The following COBLL1 variants were observed in gnomAD, a reference collection of about 807,000 sequenced individuals.
COBLL1 encodes cordon-bleu WH2 repeat protein like 1, also known as cordon-bleu protein-like 1.
A neutral mutation model predicts 94.8 loss-of-function variants in COBLL1; 50 were observed. The observed-to-expected ratio is 0.53, with a 90% CI of 0.42 to 0.67. The LOEUF (loss-of-function observed/expected upper bound fraction) is 0.67. Ranked by LOEUF, COBLL1 falls within the 30% of genes least tolerant of loss-of-function variation. COBLL1 has a pLI of 0.00. For missense variants in COBLL1, 1,362 were observed against 1,348.7 expected (o/e 1.01, Z -0.15); for synonymous variants, 448 against 473.8 (o/e 0.95, Z 0.71).
intron 7 of COBLL1, among the ~76,000 whole-genome samples, chr2:164,720,721 G>A (rs1685401737): frequency 6.6e-6 from 1 of 152,122 alleles, no homozygotes; most frequent in Non-Finnish European, 1.5e-5. Context: ...GTCCAGGCAA[G>A]CCATCGTGTT....
intron 2 of COBLL1, among the ~76,000 whole-genome samples, chr2:164,754,167 G>T (rs1000005032): frequency 3.9e-5 from 6 of 152,086 alleles, no homozygotes; most frequent in Non-Finnish European, 8.8e-5. Context: ...TTAGTAAAAG[G>T]TATTAAATAT....
At chr2:164,721,125 C>A (rs188512870) in intron 7 of COBLL1, among the ~76,000 whole-genome samples, 1 of 152,196 alleles carries the variant, frequency 6.6e-6, no homozygotes, top group Non-Finnish European at 1.5e-5. Flanking sequence ...GTAAAGGAAG[C>A]ACAGAAATGT....
At chr2:164,801,302 G>A (rs997911558) in intron 2 of COBLL1, among the ~76,000 whole-genome samples, 1 of 150,958 alleles carries the variant, frequency 6.6e-6, no homozygotes, top group Non-Finnish European at 1.5e-5. Context: ...AGCCGGGCGT[G>A]GTAGCGGGCG....
chr2:164,739,926 A>G (rs1459067044), intron 3 of COBLL1, among the ~76,000 whole-genome samples: 1 of 152,166 alleles, frequency 6.6e-6, no homozygotes, highest in Non-Finnish European at 1.5e-5. Flanking sequence ...CCCTAATCAC[A>G]CTATTAAGAT....
chr2:164,700,606 G>A lies in COBLL1; in HGVS notation c.1376C>T (p.Pro459Leu), dbSNP rs759024893. The change falls in exon 10 of 14, where the codon CCT becomes CTT. Residue 459 changes from proline (P) to leucine (L), a missense_variant. Physicochemically the swap from Pro to Leu is moderately conservative, Grantham distance 98. Transcript: ENST00000652658. ...ACTACCATTGCCAAGGGCTGAGTCA[G>A]GATCATTTTTCAGTGTATTTATTAT... ...TDIINTLKND[P>L]DSALGNGSGE... 3 of 1,613,692 alleles carry A rather than the reference G, an allele frequency of 1.9e-6. No homozygotes were observed. The South Asian group carries it at 3.3e-5, about 18-fold the overall frequency.
intron 2 of COBLL1, among the ~76,000 whole-genome samples, chr2:164,752,817 C>A (rs1687194390): frequency 6.6e-6 from 1 of 152,156 alleles, no homozygotes; most frequent in South Asian, 2.1e-4. Flanking sequence ...TCCTAAATGG[C>A]CACTTGTGTT....
chr2:164,703,268 T>A (rs780744368), intron 9 of COBLL1: 18 of 1,260,482 alleles, frequency 1.4e-5, no homozygotes, highest in Non-Finnish European at 2.1e-5. Flanking sequence ...ACAACAGAGT[T>A]AAGGCAAGCA....
At chr2:164,801,205 C>T (rs1355831328) in intron 2 of COBLL1, among the ~76,000 whole-genome samples, 1 of 151,480 alleles carries the variant, frequency 6.6e-6, no homozygotes, top group African/African-American at 2.4e-5. Context: ...TTTGGGAGGC[C>T]GAGGCAGGCG....
chr2:164,836,040 TA>T (rs1318487682), intron 2 of COBLL1, among the ~76,000 whole-genome samples: 1 of 152,152 alleles, frequency 6.6e-6, no homozygotes, highest in East Asian at 1.9e-4. Flanking sequence ...TATAAGGTCA[TA>T]ATATTGTTAT....
chr2:164,695,324 C>G lies in COBLL1; in HGVS notation c.2068G>C (p.Asp690His), dbSNP rs569009321. ...HGNDDLLPPV[D>H]RIDKNSTASY... ...GCAGTGGAATTTTTGTCAATCCTAT[C>G]TACAGGAGGCAAAAGATCATCATTA... The change falls in exon 12 of 14, where the codon GAT becomes CAT. Residue 690 changes from aspartate to histidine, a missense_variant. Transcript: ENST00000652658. The G allele has an allele frequency of 3.7e-6, 6 of 1,613,886 alleles. No homozygotes were observed. Among genetic ancestry groups the G allele is most frequent in the South Asian group, 3.3e-5 (3 of 91,076 alleles).
At position 164,689,292 on chromosome 2, in the gene COBLL1, T is replaced by C. The variant is rs545501615; in HGVS notation, c.3300+2929A>G. Among the ~76,000 whole-genome samples, 3 of 152,066 alleles carry C rather than the reference T, an allele frequency of 2.0e-5. No homozygotes were observed. The South Asian group carries it at 6.2e-4, about 32-fold the overall frequency. On this transcript the variant is annotated intron_variant, in intron 13 of 13. Coordinates refer to ENST00000652658, the MANE Select transcript of COBLL1 (RefSeq NM_001365672.2). ...GTATGAACCAGAGCCATAAGACAAG[T>C]GGGTACCTGGAGTTAAATTGAACAT...
chr2:164,773,604 G>T, intron 2 of COBLL1: 2 of 393,790 alleles, frequency 5.1e-6, no homozygotes. Flanking sequence ...ATTAAAATGT[G>T]CAAGGGTAAT....
At position 164,841,265 on chromosome 2, in the gene COBLL1, G is replaced by A. The variant is rs942129796; in HGVS notation, c.-50-19C>T. ...GTCACTGCTGGGGTGGGAGAGGCCG[G>A]CGGGTCAGGGCGGGACGCGCGCCTT... On this transcript the variant is annotated intron_variant, in intron 1 of 13. Coordinates refer to ENST00000652658, the MANE Select transcript of COBLL1 (RefSeq NM_001365672.2). The surrounding 1 kb of genome is among the most constrained non-coding windows in gnomAD (Gnocchi z 5.5). 7 of 1,222,052 alleles carry A rather than the reference G, an allele frequency of 5.7e-6. No individual in the cohort carries two copies. In the African/African-American group the frequency reaches 9.4e-5, roughly 16 times the overall value. The allele number at this position is 1,222,052 out of a possible 1,614,324, so 75.7% of individuals were successfully genotyped here. A position where few individuals can be genotyped will look rare whatever the true frequency, so the allele number is the denominator to read the frequency against.
Position 164,743,768 on chromosome 2 carries a change from T to C in COBLL1, c.149A>G (p.Lys50Arg). 1 of 1,613,512 alleles carries C rather than the reference T, an allele frequency of 6.2e-7. No individual in the cohort carries two copies. Among genetic ancestry groups the C allele is most frequent in the Admixed American group, 1.7e-5 (1 of 59,962 alleles). The change falls in exon 3 of 14, where the codon AAA (lysine) becomes AGA (arginine). Residue 50 changes from lysine to arginine, a missense_variant. Lys to Arg is a conservative substitution (Grantham distance 26). Transcript: ENST00000652658. ...VESTAFIMEQ[K>R]ENMIDKDVEL... Reference sequence around the variant, plus strand: ...AACGTCTTTATCTATCATGTTTTCTTTCTGTTCCATGATGAAAGCAGTGGA... The same window carrying C: ...AACGTCTTTATCTATCATGTTTTCTCTCTGTTCCATGATGAAAGCAGTGGA...
chr2:164,713,860 C>T (rs753657935), intron 7 of COBLL1, among the ~76,000 whole-genome samples: 2 of 152,048 alleles, frequency 1.3e-5, no homozygotes, highest in African/African-American at 2.4e-5. Context: ...ATCTCGTTAA[C>T]GTTGATCAAA....
intron 8 of COBLL1, 119 bp downstream of exon 8, chr2:164,704,833 T>G (rs1179616805): frequency 1.2e-5 from 13 of 1,070,208 alleles, no homozygotes; most frequent in African/African-American, 1.6e-5. Flanking sequence ...CTAATCAAGA[T>G]GTATTTAAAA....
At chr2:164,823,376 G>A (rs568795344) in intron 2 of COBLL1, among the ~76,000 whole-genome samples, 1 of 152,168 alleles carries the variant, frequency 6.6e-6, no homozygotes, top group East Asian at 1.9e-4. Flanking sequence ...TGATTAAATG[G>A]CTTCAAACCC....
chr2:164,826,059 T>G (rs1685414346), intron 2 of COBLL1, among the ~76,000 whole-genome samples: 1 of 152,204 alleles, frequency 6.6e-6, no homozygotes, highest in South Asian at 2.1e-4. Context: ...GACTTTACCA[T>G]AGAAAATTTT....
chr2:164,835,804 T>A (rs1317211979), intron 2 of COBLL1, among the ~76,000 whole-genome samples: 2 of 152,198 alleles, frequency 1.3e-5, no homozygotes, highest in Non-Finnish European at 2.9e-5. Flanking sequence ...AGTAACAAAG[T>A]ACCATTTATA....
Sources: allele counts gnomAD v4.1 joint callset (sites outside exome capture counted in the v4.1 genomes callset), GRCh38; gene constraint gnomAD v4.1.1; non-coding constraint Gnocchi (gnomAD v3.1); transcripts MANE v1.5; gene names NCBI Gene and HGNC (gene_info 2026-07-23, HGNC 2026-07-21).